Variants in LOC128125818 observed in about 807,000 individuals in gnomAD.
the LOC128125818 span, among the ~76,000 whole-genome samples, chr4:6,068,338 A>G: frequency 4.6e-5 from 7 of 152,174 alleles, no homozygotes; most frequent in Non-Finnish European, 1.0e-4. Flanking sequence ...ATATGGCCCC[A>G]GAGACCAAGA....
chr4:6,068,558 C>CTTTT, the LOC128125818 span, among the ~76,000 whole-genome samples: 5 of 136,308 alleles, frequency 3.7e-5, no homozygotes, highest in African/African-American at 2.8e-5. Context: ...AATTTTTTAA[C>CTTTT]TTTTTTTTTT....
At chr4:6,069,807 T>C in the LOC128125818 span, among the ~76,000 whole-genome samples, 5 of 151,356 alleles carry the variant, frequency 3.3e-5, no homozygotes, top group Non-Finnish European at 7.4e-5. The surrounding 1 kb of genome is among the most constrained non-coding windows in gnomAD (Gnocchi z 4.5). Flanking sequence ...AGTAAACATG[T>C]CTCCTCCATT....
chr4:6,068,545 A>T, the LOC128125818 span, among the ~76,000 whole-genome samples: 4 of 137,836 alleles, frequency 2.9e-5, no homozygotes, highest in South Asian at 4.7e-4. Flanking sequence ...GGGTATTTTT[A>T]AAAATTTTTT....
At chr4:6,068,398 C>T in the LOC128125818 span, among the ~76,000 whole-genome samples, 1 of 152,206 alleles carries the variant, frequency 6.6e-6, no homozygotes, top group Admixed American at 6.5e-5. Flanking sequence ...GCTCTTAGAG[C>T]AGAAACCAAA....
At chr4:6,066,928 G>C in the LOC128125818 span, among the ~76,000 whole-genome samples, 1 of 151,096 alleles carries the variant, frequency 6.6e-6, no homozygotes. Flanking sequence ...ACCTGCCATG[G>C]GGCCTTTGCG....
chr4:6,065,749 G>C, the LOC128125818 span, among the ~76,000 whole-genome samples: 1 of 152,200 alleles, frequency 6.6e-6, no homozygotes, highest in Admixed American at 6.5e-5. The surrounding 1 kb of genome is among the most constrained non-coding windows in gnomAD (Gnocchi z 5.1). Context: ...TTGCCCTGCT[G>C]GCACTTCTCC....
the LOC128125818 span, among the ~76,000 whole-genome samples, chr4:6,065,415 A>G: frequency 5.1e-4 from 77 of 152,246 alleles, no homozygotes; most frequent in African/African-American, 1.9e-3. This position sits in a 1 kb window ranked among gnomAD's most constrained non-coding sequence, Gnocchi z 5.1. Flanking sequence ...TGAGCAGCGC[A>G]CTGGCTGTAC....
At chr4:6,066,503 C>G in the LOC128125818 span, among the ~76,000 whole-genome samples, 1 of 152,240 alleles carries the variant, frequency 6.6e-6, no homozygotes, top group Non-Finnish European at 1.5e-5. Flanking sequence ...CAGACTCATA[C>G]GTCAGCTGCG....
chr4:6,066,223 G>C, the LOC128125818 span, among the ~76,000 whole-genome samples: 1 of 152,034 alleles, frequency 6.6e-6, no homozygotes, highest in Non-Finnish European at 1.5e-5. Context: ...GTTTTACCCA[G>C]ATATCTGTAA....
the LOC128125818 span, among the ~76,000 whole-genome samples, chr4:6,068,583 A>C: frequency 1.4e-5 from 2 of 143,088 alleles, no homozygotes; most frequent in African/African-American, 5.2e-5. Flanking sequence ...TTTGAGACAG[A>C]ATCTCCTTCT....
At chr4:6,067,593 C>CCGCACACACAGG in the LOC128125818 span, among the ~76,000 whole-genome samples, 43 of 151,506 alleles carry the variant, frequency 2.8e-4, no homozygotes, top group East Asian at 9.7e-4. The surrounding 1 kb of genome is among the most constrained non-coding windows in gnomAD (Gnocchi z 4.6). Context: ...TCAAGCTCTT[C>CCGCACACACAGG]TGCACACACA....
the LOC128125818 span, among the ~76,000 whole-genome samples, chr4:6,066,566 C>T: frequency 2.0e-5 from 3 of 152,156 alleles, no homozygotes; most frequent in African/African-American, 7.2e-5. Context: ...CCCAACACCG[C>T]ACCTCCCGCA....
the LOC128125818 span, among the ~76,000 whole-genome samples, chr4:6,065,741 G>T: frequency 6.6e-6 from 1 of 152,226 alleles, no homozygotes; most frequent in Non-Finnish European, 1.5e-5. This position sits in a 1 kb window ranked among gnomAD's most constrained non-coding sequence, Gnocchi z 5.1. Flanking sequence ...CCTCTGAGTT[G>T]CCCTGCTGGC....
chr4:6,065,723 T>C, the LOC128125818 span, among the ~76,000 whole-genome samples: 1 of 152,254 alleles, frequency 6.6e-6, no homozygotes, highest in Non-Finnish European at 1.5e-5. The surrounding 1 kb of genome is among the most constrained non-coding windows in gnomAD (Gnocchi z 5.1). Context: ...TAAGGCTCTA[T>C]GTGACGGCCT....
chr4:6,068,104 A>G, the LOC128125818 span, among the ~76,000 whole-genome samples: 1 of 152,214 alleles, frequency 6.6e-6, no homozygotes, highest in South Asian at 2.1e-4. Context: ...TCCACTGTGA[A>G]GGCTCTGCAG....
the LOC128125818 span, among the ~76,000 whole-genome samples, chr4:6,068,733 C>T: frequency 0.94 from 142,623 of 151,900 alleles, 67,113 homozygotes; most frequent in East Asian, 0.97. Flanking sequence ...AATTTTTGTA[C>T]ATATATATTT....
At chr4:6,067,013 A>G in the LOC128125818 span, among the ~76,000 whole-genome samples, 1 of 152,128 alleles carries the variant, frequency 6.6e-6, no homozygotes, top group Non-Finnish European at 1.5e-5. The surrounding 1 kb of genome is among the most constrained non-coding windows in gnomAD (Gnocchi z 4.6). Context: ...AAATGCAACC[A>G]TATGAGAAAA....
chr4:6,069,947 C>A, the LOC128125818 span: 1 of 396,010 alleles, frequency 2.5e-6, no homozygotes, highest in Non-Finnish European at 4.4e-6. This position sits in a 1 kb window ranked among gnomAD's most constrained non-coding sequence, Gnocchi z 4.5. Context: ...GTCTTCTCAC[C>A]TTCCTATCAT....
the LOC128125818 span, chr4:6,069,969 C>T: frequency 4.8e-5 from 19 of 396,858 alleles, no homozygotes; most frequent in South Asian, 1.6e-3. The surrounding 1 kb of genome is among the most constrained non-coding windows in gnomAD (Gnocchi z 4.5). Flanking sequence ...TTCAACAGAG[C>T]CACCTGTCAC....
Sources: allele counts gnomAD v4.1 joint callset (sites outside exome capture counted in the v4.1 genomes callset), GRCh38; gene constraint gnomAD v4.1.1; non-coding constraint Gnocchi (gnomAD v3.1); transcripts MANE v1.5.